Variants in SLC28A3 observed in about 807,000 individuals in gnomAD.
SLC28A3 encodes solute carrier family 28 member 3, also known as concentrative Na(+)-nucleoside cotransporter 3.
A neutral mutation model predicts 84.2 loss-of-function variants in SLC28A3; 68 were observed. The ratio of observed to expected loss-of-function variants is 0.81; its 90% confidence interval spans 0.66 to 0.99. SLC28A3 has a LOEUF of 0.99. Ranked by LOEUF, SLC28A3 falls within the 50% of genes least tolerant of loss-of-function variation. SLC28A3 has a pLI of 0.00. For synonymous variants in SLC28A3, 267 were observed against 303.6 expected, an observed-to-expected ratio of 0.88 and a Z score of 1.25; for missense variants, 712 against 841.5, an observed-to-expected ratio of 0.85 and a Z score of 1.90.
chr9:84,324,334 G>A (rs1388099372), intron 1 of SLC28A3, among the ~76,000 whole-genome samples: 1 of 152,176 alleles, frequency 6.6e-6, no homozygotes, highest in Non-Finnish European at 1.5e-5. Flanking sequence ...TCAGGGCTCA[G>A]TAAATTAAAT....
At chr9:84,282,927 G>A (rs756788797) in intron 14 of SLC28A3, among the ~76,000 whole-genome samples, 16 of 152,082 alleles carry the variant, frequency 1.1e-4, no homozygotes, top group African/African-American at 1.7e-4. Context: ...TTCCATCAGC[G>A]CGCATATAGC....
chr9:84,344,717 A>G (rs1301925728), upstream of SLC28A3, among the ~76,000 whole-genome samples: 1 of 152,138 alleles, frequency 6.6e-6, no homozygotes, highest in African/African-American at 2.4e-5. Flanking sequence ...TTCCCTTTCT[A>G]TGAATCCCAG....
At chr9:84,346,257 A>G in the SLC28A3 span, among the ~76,000 whole-genome samples, 5 of 152,260 alleles carry the variant, frequency 3.3e-5, no homozygotes, top group African/African-American at 9.6e-5. Flanking sequence ...CTCATTAAAG[A>G]AAACCAAAAC....
chr9:84,320,074 G>T (rs1191136566), intron 1 of SLC28A3, among the ~76,000 whole-genome samples: 2 of 82,458 alleles, frequency 2.4e-5, no homozygotes, highest in African/African-American at 8.1e-5. Flanking sequence ...TTTTGAGACA[G>T]ATTCTCGCTC....
rs149580419 is a variant in SLC28A3 at position 84,288,135 on chromosome 9, G to A, written c.1193C>T (p.Pro398Leu). 6.2e-7 allele frequency: 1 copy of A among 1,614,032 alleles called. No individual in the cohort carries two copies. The highest frequency in any genetic ancestry group is 1.3e-5 in the African/African-American group (1 of 74,922). Residue 398 changes from proline (P) to leucine (L), a missense_variant, in exon 12 of 18, where the codon CCT becomes CTT. Physicochemically the swap from Pro to Leu is moderately conservative, Grantham distance 98 (BLOSUM62 -3). Coordinates refer to ENST00000376238, the MANE Select transcript of SLC28A3 (RefSeq NM_001199633.2). ...GAGTTTAGCAGCAGCCAATGACGCA[G>A]GTGCTGACATAACTGACGCTGTTAA... is the stretch of plus-strand genomic sequence containing the variant. ...HLLTASVMSA[P>L]ASLAAAKLFW...
intron 5 of SLC28A3, 128 bp from the exon 6 acceptor site, chr9:84,299,853 A>T (rs1306920002): frequency 3.6e-5 from 39 of 1,095,440 alleles, no homozygotes; most frequent in Non-Finnish European, 4.8e-5. Flanking sequence ...AGTAGAATGG[A>T]GCGATCTTGG....
At chr9:84,288,771 T>A (rs1825097846) in intron 11 of SLC28A3, among the ~76,000 whole-genome samples, 1 of 152,068 alleles carries the variant, frequency 6.6e-6, no homozygotes, top group Non-Finnish European at 1.5e-5. Context: ...GGTCTTGAAC[T>A]CCCAACCTCA....
chr9:84,351,589 G>A, the SLC28A3 span, among the ~76,000 whole-genome samples: 29 of 151,830 alleles, frequency 1.9e-4, no homozygotes, highest in Non-Finnish European at 3.7e-4. Flanking sequence ...AGCCCCAGGA[G>A]GTCAAGGCTG....
chr9:84,313,358 C>T lies in SLC28A3; in HGVS notation c.156+1G>A. On this transcript the variant is annotated splice_donor_variant, in intron 2 of 17. Coordinates refer to ENST00000376238, the MANE Select transcript of SLC28A3 (RefSeq NM_001199633.2). LOFTEE classifies it high-confidence loss of function. Reference sequence around the variant, plus strand: ...AGTCATGCACCACAGTCTTGCTGTACCTGTTTGGTGTTTGTGTGCTCCCTG... The same window carrying T: ...AGTCATGCACCACAGTCTTGCTGTATCTGTTTGGTGTTTGTGTGCTCCCTG... 1 of 1,613,852 alleles carries T rather than the reference C, an allele frequency of 6.2e-7. No individual in the cohort carries two copies. Among genetic ancestry groups the T allele is most frequent in the Non-Finnish European group, 8.5e-7 (1 of 1,179,852 alleles).
At chr9:84,315,553 G>A (rs1826142132) in intron 1 of SLC28A3, among the ~76,000 whole-genome samples, 1 of 152,242 alleles carries the variant, frequency 6.6e-6, no homozygotes, top group African/African-American at 2.4e-5. Context: ...TTGAGGGATA[G>A]AGTGGGCACT....
intron 1 of SLC28A3, among the ~76,000 whole-genome samples, chr9:84,333,143 A>C (rs1826849871): frequency 1.3e-5 from 2 of 152,236 alleles, no homozygotes. Flanking sequence ...AAGGGGGCAA[A>C]GGAAAAATGT....
At chr9:84,336,224 G>A (rs1016364301) in intron 1 of SLC28A3, among the ~76,000 whole-genome samples, 1 of 151,918 alleles carries the variant, frequency 6.6e-6, no homozygotes. Context: ...GAATTAGGTC[G>A]GGCACGGTGG....
chr9:84,358,364 C>T, the SLC28A3 span, among the ~76,000 whole-genome samples: 14 of 152,160 alleles, frequency 9.2e-5, no homozygotes, highest in Non-Finnish European at 2.1e-4. Context: ...ACACCCTCCC[C>T]CAACAACCCC....
At chr9:84,337,275 C>T (rs180806459) in intron 1 of SLC28A3, among the ~76,000 whole-genome samples, 4 of 151,914 alleles carry the variant, frequency 2.6e-5, no homozygotes, top group African/African-American at 9.7e-5. Context: ...AGTTGGTATC[C>T]CTTCTTAGAG....
At chr9:84,342,088 C>A (rs1304175532), upstream of SLC28A3, among the ~76,000 whole-genome samples, 1 of 145,522 alleles carries the variant, frequency 6.9e-6, no homozygotes, top group Non-Finnish European at 1.5e-5. Flanking sequence ...GAAAACGCAC[C>A]GCTGCCTCCC....
chr9:84,350,932 C>T, the SLC28A3 span, among the ~76,000 whole-genome samples: 3 of 152,040 alleles, frequency 2.0e-5, no homozygotes, highest in South Asian at 2.1e-4. Flanking sequence ...GCTGGTATAT[C>T]CTGACCTCAA....
At chr9:84,346,379 T>G in the SLC28A3 span, among the ~76,000 whole-genome samples, 1 of 152,240 alleles carries the variant, frequency 6.6e-6, no homozygotes, top group African/African-American at 2.4e-5. Flanking sequence ...TCACTCTTGG[T>G]GACGGTATTT....
At chr9:84,279,445 ATATT>A (rs1371895719) in intron 16 of SLC28A3, 60 bp from the exon 17 acceptor site, 10 of 1,196,708 alleles carry the variant, frequency 8.4e-6, no homozygotes, top group East Asian at 6.7e-5. Context: ...ATGTATTTAT[ATATT>A]TATTTATTTA....
upstream of SLC28A3, among the ~76,000 whole-genome samples, chr9:84,345,124 A>G (rs986274918): frequency 1.3e-5 from 2 of 152,118 alleles, no homozygotes; most frequent in Non-Finnish European, 2.9e-5. Context: ...ACATCACCCA[A>G]ATTTTATGAT....
Sources: gnomAD v4.1 joint callset for allele counts (sites outside exome capture counted in the v4.1 genomes callset) on GRCh38, gnomAD v4.1.1 for gene constraint, MANE v1.5 for transcripts, NCBI Gene and HGNC (gene_info 2026-07-23, HGNC 2026-07-21) for gene names.